CNTNAP2: variants seen among roughly 807,000 people sequenced by gnomAD.
CNTNAP2 encodes the protein contactin-associated protein-like 2.
Under a neutral mutation model 155.2 loss-of-function variants are expected in CNTNAP2, and 98 were observed. The observed-to-expected ratio is 0.63, with a 90% CI of 0.54 to 0.75. CNTNAP2 has a LOEUF of 0.75. CNTNAP2 is among the 30% of genes least tolerant of loss of function. CNTNAP2 has a pLI of 0.00. For missense variants in CNTNAP2, 1,727 were observed against 1,688.1 expected (o/e 1.02, Z -0.40); for synonymous variants, 651 against 631.2 (o/e 1.03, Z -0.47).
chr7:147,806,173 T>C (rs1282972507), intron 13 of CNTNAP2, among the ~76,000 whole-genome samples: 2 of 152,044 alleles, frequency 1.3e-5, no homozygotes, highest in Non-Finnish European at 2.9e-5. Flanking sequence ...TAATTGTATT[T>C]AAAAGTAGGG....
intron 15 of CNTNAP2, among the ~76,000 whole-genome samples, chr7:148,057,916 AG>A (rs1295247508): frequency 1.3e-5 from 2 of 150,968 alleles, no homozygotes; most frequent in African/African-American, 2.4e-5. Flanking sequence ...AGGAACAAAG[AG>A]AAAGGCAGCT....
At chr7:146,935,185 A>G (rs1189333428) in intron 3 of CNTNAP2, among the ~76,000 whole-genome samples, 2 of 152,148 alleles carry the variant, frequency 1.3e-5, no homozygotes, top group Admixed American at 1.3e-4. Context: ...TTTTCCCAAG[A>G]TCATGAATCA....
chr7:148,015,740 G>T (rs535709894), intron 15 of CNTNAP2, among the ~76,000 whole-genome samples: 3 of 152,216 alleles, frequency 2.0e-5, no homozygotes, highest in South Asian at 4.1e-4. Flanking sequence ...CATGCATTTT[G>T]CCTTAATGCC....
chr7:146,507,192 C>T (rs1797397054), intron 1 of CNTNAP2, among the ~76,000 whole-genome samples: 1 of 152,192 alleles, frequency 6.6e-6, no homozygotes, highest in African/African-American at 2.4e-5. Context: ...CACACTCTCA[C>T]AAGCCTGAAG....
At chr7:148,079,484 G>A (rs1364419415) in intron 15 of CNTNAP2, among the ~76,000 whole-genome samples, 10 of 152,138 alleles carry the variant, frequency 6.6e-5, no homozygotes, top group Admixed American at 6.5e-4. Flanking sequence ...CCTACAGGTA[G>A]CCGGCTTTGG....
intron 1 of CNTNAP2, among the ~76,000 whole-genome samples, chr7:146,415,710 A>T (rs918395445): frequency 6.6e-6 from 1 of 152,110 alleles, no homozygotes; most frequent in African/African-American, 2.4e-5. Context: ...ATTTAAAAAA[A>T]ATTTGCAACC....
intron 5 of CNTNAP2, among the ~76,000 whole-genome samples, chr7:147,115,873 T>A (rs560152423): frequency 8.5e-5 from 13 of 152,258 alleles, no homozygotes; most frequent in African/African-American, 3.1e-4. Context: ...TTGCAATCAT[T>A]TGGAGGAAAA....
At chr7:146,644,550 G>A (rs1196285551) in intron 1 of CNTNAP2, among the ~76,000 whole-genome samples, 1 of 151,918 alleles carries the variant, frequency 6.6e-6, no homozygotes, top group East Asian at 1.9e-4. Flanking sequence ...TGCTGGATTC[G>A]GTTTGCCAGT....
At chr7:147,651,933 A>G (rs113794239) in intron 13 of CNTNAP2, among the ~76,000 whole-genome samples, 1,717 of 152,272 alleles carry the variant, frequency 0.011, 28 homozygotes, top group Middle Eastern at 0.041. Flanking sequence ...CTATCTTGCC[A>G]TCAACATTCC....
At chr7:148,006,125 C>T (rs929679875) in intron 15 of CNTNAP2, among the ~76,000 whole-genome samples, 1 of 151,966 alleles carries the variant, frequency 6.6e-6, no homozygotes, top group Non-Finnish European at 1.5e-5. Flanking sequence ...TCCATTGTAT[C>T]TAAGTCATAC....
intron 3 of CNTNAP2, among the ~76,000 whole-genome samples, chr7:146,981,524 A>T (rs1287022579): frequency 6.6e-6 from 1 of 152,230 alleles, no homozygotes; most frequent in African/African-American, 2.4e-5. Context: ...TACGTAGCCC[A>T]TTAAAAACCT....
chr7:146,377,100 T>C (rs959933763), intron 1 of CNTNAP2, among the ~76,000 whole-genome samples: 1 of 152,178 alleles, frequency 6.6e-6, no homozygotes, highest in Non-Finnish European at 1.5e-5. Flanking sequence ...ACATTGGCAA[T>C]GTAATGAAAC....
chr7:147,046,592 G>C (rs1421384095), intron 4 of CNTNAP2, among the ~76,000 whole-genome samples: 1 of 152,080 alleles, frequency 6.6e-6, no homozygotes, highest in Non-Finnish European at 1.5e-5. Flanking sequence ...TAGACTTGGG[G>C]GGGTAATAAC....
intron 12 of CNTNAP2, among the ~76,000 whole-genome samples, chr7:147,563,702 G>T (rs1347985303): frequency 2.0e-5 from 3 of 152,106 alleles, no homozygotes; most frequent in Non-Finnish European, 4.4e-5. Context: ...ATTATATGCA[G>T]CCCATGGATC....
At chr7:146,365,778 T>C (rs1795146883) in intron 1 of CNTNAP2, among the ~76,000 whole-genome samples, 1 of 152,218 alleles carries the variant, frequency 6.6e-6, no homozygotes, top group Non-Finnish European at 1.5e-5. Flanking sequence ...CAAATATTTT[T>C]TGATATCTGC....
At chr7:146,626,155 A>G (rs1245156465) in intron 1 of CNTNAP2, among the ~76,000 whole-genome samples, 2 of 152,170 alleles carry the variant, frequency 1.3e-5, no homozygotes, top group Non-Finnish European at 2.9e-5. Flanking sequence ...TACCATATCT[A>G]AAGGCAATAG....
At chr7:148,312,216 T>C (rs1416588790) in intron 21 of CNTNAP2, among the ~76,000 whole-genome samples, 2 of 152,122 alleles carry the variant, frequency 1.3e-5, no homozygotes, top group Non-Finnish European at 2.9e-5. Flanking sequence ...TCCCGGCTCT[T>C]GTGTAAGAAT....
intron 1 of CNTNAP2, among the ~76,000 whole-genome samples, chr7:146,470,180 T>A (rs1796776358): frequency 6.6e-6 from 1 of 152,202 alleles, no homozygotes; most frequent in African/African-American, 2.4e-5. Context: ...TTTTTCTTTA[T>A]AAATTTAATC....
chr7:147,504,954 A>T (rs1798881525), intron 11 of CNTNAP2, among the ~76,000 whole-genome samples: 1 of 152,016 alleles, frequency 6.6e-6, no homozygotes, highest in Non-Finnish European at 1.5e-5. Flanking sequence ...ACACACACGC[A>T]TGCACACACT....
Sources: gnomAD v4.1 joint callset for allele counts (sites outside exome capture counted in the v4.1 genomes callset) on GRCh38, gnomAD v4.1.1 for gene constraint, MANE v1.5 for transcripts, NCBI Gene and HGNC (gene_info 2026-07-23, HGNC 2026-07-21) for gene names.